The following PDE11A variants were observed in gnomAD, a reference collection of about 807,000 sequenced individuals.
PDE11A encodes the protein phosphodiesterase 11A, also known as dual 3',5'-cyclic-AMP and -GMP phosphodiesterase 11A.
A neutral mutation model predicts 100.5 loss-of-function variants in PDE11A; 100 were observed. The observed-to-expected ratio is 1.00, with a 90% CI of 0.85 to 1.18. PDE11A has a LOEUF of 1.18. PDE11A is among the 50% of genes most tolerant of loss of function. The probability of loss-of-function intolerance (pLI) is 0.00; values close to 1 mark genes in which losing one functional copy is unlikely to be tolerated. For missense variants in PDE11A, 1,141 were observed against 1,152.6 expected (o/e 0.99, Z 0.15); for synonymous variants, 381 against 420.8 (o/e 0.91, Z 1.16).
chr2:177,646,065 A>G (rs2080219772), intron 19 of PDE11A, among the ~76,000 whole-genome samples: 1 of 152,230 alleles, frequency 6.6e-6, no homozygotes, highest in Non-Finnish European at 1.5e-5. Context: ...TGACATTAAC[A>G]TTCTGAATTA....
At chr2:178,091,803 G>A (rs2087426678) in intron 2 of PDE11A, among the ~76,000 whole-genome samples, 2 of 152,016 alleles carry the variant, frequency 1.3e-5, no homozygotes, top group South Asian at 4.2e-4. Context: ...CCACATTTAT[G>A]ATGAAGGTTT....
At chr2:177,779,140 C>T (rs918918586) in intron 9 of PDE11A, among the ~76,000 whole-genome samples, 1 of 152,114 alleles carries the variant, frequency 6.6e-6, no homozygotes, top group African/African-American at 2.4e-5. Context: ...TATGTTTATA[C>T]TATGCTGTAG....
chr2:177,707,178 A>G (rs975143169), intron 13 of PDE11A, among the ~76,000 whole-genome samples: 4 of 152,150 alleles, frequency 2.6e-5, no homozygotes, highest in Non-Finnish European at 5.9e-5. Context: ...GGATTTGGGC[A>G]AGTTTACTTA....
At chr2:177,891,540 A>C (rs2105719122) in intron 4 of PDE11A, among the ~76,000 whole-genome samples, 1 of 152,298 alleles carries the variant, frequency 6.6e-6, no homozygotes, top group African/African-American at 2.4e-5. Context: ...AAACATATTA[A>C]CCAGTATTTT....
intron 2 of PDE11A, among the ~76,000 whole-genome samples, chr2:178,099,752 CACTT>C (rs2087538696): frequency 6.6e-6 from 1 of 152,140 alleles, no homozygotes; most frequent in Non-Finnish European, 1.5e-5. Flanking sequence ...TCAGCAATTC[CACTT>C]CTGGGTATAT....
At chr2:177,863,607 T>C (rs966414419) in intron 5 of PDE11A, among the ~76,000 whole-genome samples, 3 of 152,030 alleles carry the variant, frequency 2.0e-5, no homozygotes, top group African/African-American at 7.2e-5. Context: ...ACATCATTAA[T>C]CATCAGGGAA....
At chr2:178,018,393 T>TAACCTTC in intron 1 of PDE11A, 1 of 84,488 alleles carries the variant, frequency 1.2e-5, no homozygotes, top group Admixed American at 1.9e-4. Flanking sequence ...CTTTAACCTT[T>TAACCTTC]GCCGGGCTTT....
intron 5 of PDE11A, among the ~76,000 whole-genome samples, chr2:177,849,423 G>A (rs1044070667): frequency 1.3e-5 from 2 of 152,114 alleles, no homozygotes; most frequent in Non-Finnish European, 2.9e-5. Flanking sequence ...GCTTTAAAAA[G>A]TGTGGGGTTT....
chr2:177,658,471 C>T (rs745378579), intron 19 of PDE11A, among the ~76,000 whole-genome samples: 5 of 151,516 alleles, frequency 3.3e-5, no homozygotes, highest in Admixed American at 6.6e-5. Flanking sequence ...TCCTCTGCCT[C>T]TCCTCCCTTC....
intron 1 of PDE11A, among the ~76,000 whole-genome samples, chr2:178,051,846 A>C (rs1423315569): frequency 4.6e-5 from 7 of 152,106 alleles, no homozygotes; most frequent in African/African-American, 9.7e-5. Context: ...AATACAGGAG[A>C]ACCCAGATTC....
chr2:177,780,966 T>G (rs562246730), intron 9 of PDE11A, among the ~76,000 whole-genome samples: 59 of 152,358 alleles, frequency 3.9e-4, no homozygotes, highest in African/African-American at 1.4e-3. Flanking sequence ...CTTCAAAAAC[T>G]TTTCCTTTGC....
chr2:177,670,997 G>GC (rs1031340429), intron 17 of PDE11A, among the ~76,000 whole-genome samples: 2 of 152,086 alleles, frequency 1.3e-5, no homozygotes, highest in Non-Finnish European at 2.9e-5. Context: ...CTGCTACCCT[G>GC]CATTTCAGCA....
chr2:177,907,212 G>A (rs1385255045), intron 2 of PDE11A, among the ~76,000 whole-genome samples: 1 of 152,024 alleles, frequency 6.6e-6, no homozygotes, highest in Non-Finnish European at 1.5e-5. Flanking sequence ...TGTGTGAAGT[G>A]CAACAAATCA....
chr2:178,022,152 G>A (rs2086420897), intron 1 of PDE11A, among the ~76,000 whole-genome samples: 1 of 152,194 alleles, frequency 6.6e-6, no homozygotes. Context: ...TCTCTGGGCT[G>A]GGATGGTGGT....
At chr2:177,939,124 T>G (rs1451253312) in intron 2 of PDE11A, among the ~76,000 whole-genome samples, 1 of 152,168 alleles carries the variant, frequency 6.6e-6, no homozygotes, top group Non-Finnish European at 1.5e-5. Flanking sequence ...TTGCATAACA[T>G]GCAACCAGGA....
intron 5 of PDE11A, among the ~76,000 whole-genome samples, chr2:177,869,461 GCATAA>G (rs1396690604): frequency 6.6e-6 from 1 of 152,174 alleles, no homozygotes; most frequent in Non-Finnish European, 1.5e-5. Context: ...TCCTGCTCGT[GCATAA>G]CATGTCTCCG....
intron 13 of PDE11A, 150 bp downstream of exon 13, chr2:177,711,619 G>A: frequency 1.5e-6 from 1 of 654,528 alleles, no homozygotes; most frequent in Admixed American, 2.5e-5. Context: ...GAATTATAAA[G>A]ATGGATGGGC....
intron 13 of PDE11A, among the ~76,000 whole-genome samples, chr2:177,710,662 AT>A (rs2081347054): frequency 6.6e-6 from 1 of 152,204 alleles, no homozygotes; most frequent in African/African-American, 2.4e-5. Flanking sequence ...ATGATAGGAT[AT>A]TGAGAAGAGA....
Position 178,021,955 on chromosome 2 carries a change from CTGATGAGAGGG to C in PDE11A, c.913-7506_913-7496del, listed in dbSNP as rs755025593. Among the ~76,000 whole-genome samples, 141 of 152,104 alleles carry C rather than the reference CTGATGAGAGGG, an allele frequency of 9.3e-4. 3 individuals carry two copies. Among genetic ancestry groups the C allele is most frequent in the Middle Eastern group, 3.2e-3 (1 of 316 alleles). On this transcript the variant is annotated intron_variant, in intron 1 of 19. Coordinates refer to ENST00000286063, the MANE Select transcript of PDE11A (RefSeq NM_016953.4). ...ATGGGGTAGGAAAGACAGCTGGAGG[CTGATGAGAGGG>C]TGTCTAGTAACTAGGTGTAGAATTG...
Sources: gnomAD v4.1 joint callset for allele counts (sites outside exome capture counted in the v4.1 genomes callset) on GRCh38, gnomAD v4.1.1 for gene constraint, MANE v1.5 for transcripts, NCBI Gene and HGNC (gene_info 2026-07-23, HGNC 2026-07-21) for gene names.